The following COL5A1 variants were observed in gnomAD, a reference collection of about 807,000 sequenced individuals.
COL5A1 encodes the protein collagen alpha-1(V) chain.
Under a neutral mutation model 263.7 loss-of-function variants are expected in COL5A1, and 16 were observed. The ratio of observed to expected loss-of-function variants is 0.06; its 90% CI spans 0.04 to 0.09. The LOEUF (loss-of-function observed/expected upper bound fraction) is 0.09, where lower values mean the gene tolerates loss of function less well. Among genes scored for constraint, COL5A1 ranks in the 10% least tolerant of loss-of-function variants. The pLI is 1.00. For missense variants in COL5A1, 2,036 were observed against 2,540.5 expected, an observed-to-expected ratio of 0.80 and a Z score of 4.27; for synonymous variants, 1,012 against 1,004.5, an observed-to-expected ratio of 1.01 and a Z score of -0.14.
chr9:134,759,311 CACACTCAT>C (rs1420328203), intron 18 of COL5A1, among the ~76,000 whole-genome samples: 1 of 143,220 alleles, frequency 7.0e-6, no homozygotes, highest in Non-Finnish European at 1.5e-5. Flanking sequence ...CACACACCCC[CACACTCAT>C]ACACACATGC....
chr9:134,798,601 G>T, intron 37 of COL5A1, 140 bp downstream of exon 37: 1 of 235,640 alleles, frequency 4.2e-6, no homozygotes, highest in East Asian at 3.5e-4. Flanking sequence ...GGCTCCCAAG[G>T]GCCGGGCCGG....
At chr9:134,833,446 A>G (rs1839726169) in intron 64 of COL5A1, among the ~76,000 whole-genome samples, 2 of 152,154 alleles carry the variant, frequency 1.3e-5, no homozygotes, top group South Asian at 4.1e-4. Context: ...GAGGGCTTTC[A>G]GGGAGGATCA....
Position 134,825,815 on chromosome 9 carries a change from C to G in COL5A1, c.4978C>G (p.Gln1660Glu). ...PDGEYWVDPNQGCSRDSFKVY... is the reference protein window; with the variant it reads ...PDGEYWVDPNEGCSRDSFKVY... Reference sequence around the variant, plus strand: ...AGGTGAATACTGGGTCGATCCTAACCAAGGATGCTCCAGGGATTCCTTCAA... The same window carrying G: ...AGGTGAATACTGGGTCGATCCTAACGAAGGATGCTCCAGGGATTCCTTCAA... The change falls in exon 63 of 66, where the codon CAA becomes GAA. Residue 1660 changes from glutamine (Q) to glutamate (E), a missense_variant. Gln to Glu is a conservative substitution (Grantham distance 29). Transcript: ENST00000371817. 6.2e-7 allele frequency: 1 copy of G among 1,612,646 alleles called. No individual in the cohort carries two copies. Among genetic ancestry groups the G allele is most frequent in the Non-Finnish European group, 8.5e-7 (1 of 1,179,056 alleles).
intron 37 of COL5A1, among the ~76,000 whole-genome samples, chr9:134,799,754 G>A (rs1838041260): frequency 6.6e-6 from 1 of 150,870 alleles, no homozygotes; most frequent in Admixed American, 6.6e-5. Context: ...TTGCTCTTTT[G>A]TTTATAGAGA....
intron 9 of COL5A1, among the ~76,000 whole-genome samples, chr9:134,737,263 A>G (rs187901932): frequency 1.1e-3 from 164 of 152,274 alleles, no homozygotes; most frequent in African/African-American, 3.4e-3. Flanking sequence ...CAGGATAATC[A>G]GTACCCATGG....
At chr9:134,823,659 A>T (rs1460288603) in intron 61 of COL5A1, among the ~76,000 whole-genome samples, 190 bp downstream of exon 61, 1 of 152,254 alleles carries the variant, frequency 6.6e-6, no homozygotes, top group Non-Finnish European at 1.5e-5. Flanking sequence ...CTTACAGGCC[A>T]ATTGGCCCTG....
At position 134,841,271 on chromosome 9, in the gene COL5A1, C is replaced by T. The variant is rs1830096584; in HGVS notation, c.5371-886C>T. On this transcript the variant is annotated intron_variant, in intron 65 of 65. Coordinates refer to ENST00000371817, the MANE Select transcript of COL5A1 (RefSeq NM_000093.5). The surrounding 1 kb of genome is among the most constrained non-coding windows in gnomAD (Gnocchi z 4.8). ...TGGTTTGCGGGAAAGGTGCGGCCTC[C>T]AGGGCCCTTGTCTTGGGGGAAGTTG... is the stretch of plus-strand genomic sequence containing the variant. Among the ~76,000 whole-genome samples, 1 of 152,180 alleles carries T rather than the reference C, an allele frequency of 6.6e-6. No individual in the cohort carries two copies. Among genetic ancestry groups the T allele is most frequent in the Admixed American group, 6.5e-5 (1 of 15,280 alleles).
In COL5A1 at chr9:134,741,045, C is replaced by T. The variant is rs554177276; in HGVS notation, c.1494+2237C>T. ...CTGACCACCCCTCTGGGTCCAGCTC[C>T]GGCCAGCCTTGTTCAGGAAGCCATC... On this transcript the variant is annotated intron_variant, in intron 11 of 65. Coordinates refer to ENST00000371817, the MANE Select transcript of COL5A1 (RefSeq NM_000093.5). The surrounding 1 kb of genome is among the most constrained non-coding windows in gnomAD (Gnocchi z 4.5). 2.0e-5 allele frequency among the ~76,000 whole-genome samples: 3 copies of T among 152,320 alleles called. No homozygotes were observed. The highest frequency in any genetic ancestry group is 2.1e-4 in the South Asian group (1 of 4,830).
At chr9:134,733,733 T>C (rs1260791400) in intron 9 of COL5A1, among the ~76,000 whole-genome samples, 2 of 152,250 alleles carry the variant, frequency 1.3e-5, no homozygotes, top group Admixed American at 6.5e-5. Context: ...GGGCCTGTTC[T>C]GCTCTGCCCA....
At chr9:134,824,441 G>A (rs1334107799) in intron 61 of COL5A1, among the ~76,000 whole-genome samples, 159 bp from the exon 62 acceptor site, 1 of 152,232 alleles carries the variant, frequency 6.6e-6, no homozygotes, top group Non-Finnish European at 1.5e-5. Context: ...TGGAGGAAGG[G>A]ATGGAAACAG....
chr9:134,836,883 G>T (rs1166907749), intron 65 of COL5A1, among the ~76,000 whole-genome samples: 1 of 152,266 alleles, frequency 6.6e-6, no homozygotes, highest in East Asian at 1.9e-4. Context: ...TCTGCGATTG[G>T]TTGGGGTCAG....
intron 24 of COL5A1, among the ~76,000 whole-genome samples, chr9:134,768,011 A>ATGCCC (rs1258133344): frequency 1.3e-5 from 2 of 152,206 alleles, no homozygotes; most frequent in Admixed American, 6.5e-5. Context: ...GCACTGCAGG[A>ATGCCC]TGCCCTGCCC....
At chr9:134,782,985 CAG>C (rs757328887) in intron 29 of COL5A1, among the ~76,000 whole-genome samples, 21 of 152,210 alleles carry the variant, frequency 1.4e-4, no homozygotes, top group South Asian at 2.1e-4. Context: ...GTGTCCCACA[CAG>C]GGGGTCAGTG....
At chr9:134,729,546 G>A (rs868466237) in intron 6 of COL5A1, among the ~76,000 whole-genome samples, 7 of 145,956 alleles carry the variant, frequency 4.8e-5, no homozygotes, top group South Asian at 2.3e-4. Flanking sequence ...ATGCGGGCAC[G>A]GGTGTGCATG....
rs1839027314 is a variant in COL5A1, at chr9:134,822,112, T to C, written c.4570T>C (p.Ser1524Pro). 6.2e-7 allele frequency: 1 copy of C among 1,613,422 alleles called. No homozygotes were observed. Among genetic ancestry groups the C allele is most frequent in the Non-Finnish European group, 8.5e-7 (1 of 1,179,646 alleles). The part of the protein sequence containing the change: ...PKGEQGITGP[S>P]GPIGPPGPPG... Reference sequence around the variant, plus strand: ...TCCTTTTCAGGGTATCACTGGTCCTTCTGGCCCGATTGGGCCTCCTGGGCC... The same window carrying C: ...TCCTTTTCAGGGTATCACTGGTCCTCCTGGCCCGATTGGGCCTCCTGGGCC... Residue 1524 changes from serine (S) to proline (P), a missense_variant, in exon 59 of 66, where the codon TCT (serine) becomes CCT (proline). Coordinates refer to ENST00000371817, the MANE Select transcript of COL5A1 (RefSeq NM_000093.5).
At chr9:134,698,104 C>A (rs145053743) in intron 2 of COL5A1, among the ~76,000 whole-genome samples, 16 of 152,318 alleles carry the variant, frequency 1.1e-4, no homozygotes, top group African/African-American at 3.6e-4. Context: ...CACAAAAAAA[C>A]CCAAAAAAAC....
chr9:134,663,751 T>C (rs1832277976), intron 1 of COL5A1, among the ~76,000 whole-genome samples: 1 of 152,216 alleles, frequency 6.6e-6, no homozygotes, highest in South Asian at 2.1e-4. Flanking sequence ...GACTTGGACT[T>C]GGACTTTGTC....
At position 134,696,792 on chromosome 9, in the gene COL5A1, C is replaced by T. The variant is rs559158218; in HGVS notation, c.278-3117C>T. Among the ~76,000 whole-genome samples, 10 of 152,136 alleles carry T rather than the reference C, an allele frequency of 6.6e-5. No individual in the cohort carries two copies. Among genetic ancestry groups the T allele is most frequent in the South Asian group, 2.1e-4 (1 of 4,812 alleles). The stretch of plus-strand genomic sequence containing the variant: ...AGAAGTAAAAGTGAAAAGCTCTGGC[C>T]GGGCGGGGTGGCTCACACCTGTAAT... On this transcript the variant is annotated intron_variant, in intron 2 of 65. Transcript: ENST00000371817. The surrounding 1 kb of genome is among the most constrained non-coding windows in gnomAD (Gnocchi z 4.3).
At chr9:134,715,703 G>A (rs1453499098) in intron 4 of COL5A1, among the ~76,000 whole-genome samples, 2 of 152,170 alleles carry the variant, frequency 1.3e-5, no homozygotes, top group South Asian at 2.1e-4. Context: ...ATCCTGCATA[G>A]CCCTAAATCC....
Sources: allele counts gnomAD v4.1 joint callset (sites outside exome capture counted in the v4.1 genomes callset), GRCh38; gene constraint gnomAD v4.1.1; non-coding constraint Gnocchi (gnomAD v3.1); transcripts MANE v1.5; gene names NCBI Gene and HGNC (gene_info 2026-07-23, HGNC 2026-07-21).